The following TLE4 variants were observed in gnomAD, a reference collection of about 807,000 sequenced individuals.
TLE4 encodes the protein transducin-like enhancer protein 4.
Under a neutral mutation model 92.8 loss-of-function variants are expected in TLE4, and 8 were observed. That is an observed-to-expected ratio of 0.09 (90% CI 0.05 to 0.16). The LOEUF (loss-of-function observed/expected upper bound fraction) is 0.16. Among genes scored for constraint, TLE4 ranks in the 10% least tolerant of loss-of-function variants. The pLI, the probability that TLE4 is intolerant of heterozygous loss-of-function variation, is 1.00. For missense variants in TLE4, 675 were observed against 997.6 expected, an observed-to-expected ratio of 0.68 and a Z score of 4.36; for synonymous variants, 371 against 374.1, an observed-to-expected ratio of 0.99 and a Z score of 0.10.
chr9:79,605,538 T>G (rs2132778958), intron 4 of TLE4, among the ~76,000 whole-genome samples: 1 of 152,240 alleles, frequency 6.6e-6, no homozygotes, highest in South Asian at 2.1e-4. Context: ...AAGATATACC[T>G]CTAGAGAGCT....
intron 6 of TLE4, among the ~76,000 whole-genome samples, chr9:79,631,570 C>A (rs1009995045): frequency 6.8e-6 from 1 of 147,472 alleles, no homozygotes; most frequent in South Asian, 2.2e-4. Context: ...GCGGTCCCCC[C>A]CTTAGTATTT....
chr9:79,649,271 TACACACACACAC>T (rs61394180), intron 6 of TLE4, among the ~76,000 whole-genome samples: 3,150 of 147,358 alleles, frequency 0.021, 60 homozygotes, highest in Admixed American at 0.069. Context: ...CATACATACA[TACACACACACAC>T]ACACACACAC....
chr9:79,619,588 A>C (rs1291712448), intron 5 of TLE4, among the ~76,000 whole-genome samples: 2 of 152,174 alleles, frequency 1.3e-5, no homozygotes, highest in Admixed American at 1.3e-4. Context: ...GCATGGTTAA[A>C]ATTGCAGAGA....
chr9:79,699,838 T>C (rs1407637797), intron 8 of TLE4, among the ~76,000 whole-genome samples: 1 of 152,220 alleles, frequency 6.6e-6, no homozygotes, highest in African/African-American at 2.4e-5. Flanking sequence ...CTGTGCAGTA[T>C]TGAACCAAAA....
chr9:79,676,631 C>T (rs1463789133), intron 8 of TLE4, among the ~76,000 whole-genome samples: 1 of 151,964 alleles, frequency 6.6e-6, no homozygotes, highest in African/African-American at 2.4e-5. Flanking sequence ...GAGAGAAAAG[C>T]CAACCAGAAA....
chr9:79,693,751 T>C, intron 8 of TLE4: 1 of 436,344 alleles, frequency 2.3e-6, no homozygotes, highest in Non-Finnish European at 4.4e-6. Context: ...ATCATGTCCT[T>C]CGAACCATAT....
intron 8 of TLE4, chr9:79,663,334 A>T (rs1313998896): frequency 1.3e-5 from 2 of 152,210 alleles, no homozygotes; most frequent in African/African-American, 4.8e-5. Flanking sequence ...AGTCACATGA[A>T]GCTATTTAAA....
chr9:79,651,598 C>T (rs2059006397), intron 6 of TLE4, among the ~76,000 whole-genome samples: 1 of 152,196 alleles, frequency 6.6e-6, no homozygotes, highest in South Asian at 2.1e-4. Context: ...GCTTTTCATT[C>T]GAGCATCACT....
intron 14 of TLE4, among the ~76,000 whole-genome samples, chr9:79,714,995 C>G (rs558609546): frequency 2.6e-5 from 4 of 152,238 alleles, no homozygotes; most frequent in African/African-American, 9.6e-5. Flanking sequence ...TCTATGTATA[C>G]TAATAGCAAA....
chr9:79,655,603 T>C (rs2134290519), intron 8 of TLE4, among the ~76,000 whole-genome samples: 1 of 152,346 alleles, frequency 6.6e-6, no homozygotes, highest in East Asian at 1.9e-4. Context: ...TAATTATGCA[T>C]TTGCAGTTGT....
At chr9:79,629,123 T>C (rs2053517299) in intron 6 of TLE4, among the ~76,000 whole-genome samples, 1 of 152,164 alleles carries the variant, frequency 6.6e-6, no homozygotes, top group Admixed American at 6.5e-5. Flanking sequence ...GTTTACTGTT[T>C]GTATGAATGG....
At chr9:79,656,155 A>G (rs1206662859) in intron 8 of TLE4, among the ~76,000 whole-genome samples, 1 of 152,068 alleles carries the variant, frequency 6.6e-6, no homozygotes, top group Non-Finnish European at 1.5e-5. Flanking sequence ...ACAAGGTGAG[A>G]TAGTTTGCTT....
intron 6 of TLE4, among the ~76,000 whole-genome samples, chr9:79,636,296 A>T (rs1031863118): frequency 5.9e-5 from 9 of 152,168 alleles, no homozygotes; most frequent in African/African-American, 1.9e-4. Flanking sequence ...TTTCTAAAAA[A>T]TTTAAAAAAC....
chr9:79,599,796 C>CT (rs2045120063), intron 4 of TLE4, among the ~76,000 whole-genome samples: 1 of 152,186 alleles, frequency 6.6e-6, no homozygotes, highest in Non-Finnish European at 1.5e-5. Context: ...TGAGTCACTT[C>CT]TTTTTTTGTC....
intron 8 of TLE4, among the ~76,000 whole-genome samples, chr9:79,669,215 T>A (rs2061874727): frequency 6.6e-6 from 1 of 151,728 alleles, no homozygotes. Flanking sequence ...TCAGTGGAGG[T>A]GGTTAGGCTT....
intron 17 of TLE4, 127 bp downstream of exon 17, chr9:79,722,015 A>G (rs1436403424): frequency 2.9e-6 from 4 of 1,361,574 alleles, no homozygotes; most frequent in Non-Finnish European, 2.9e-6. Flanking sequence ...AAGTACAAAA[A>G]TTAGCTGGGC....
At chr9:79,644,694 A>G (rs139312896) in intron 6 of TLE4, among the ~76,000 whole-genome samples, 72 of 152,370 alleles carry the variant, frequency 4.7e-4, no homozygotes, top group Admixed American at 1.6e-3. Context: ...GCCAAGGAGT[A>G]TGGCTACCAG....
At chr9:79,723,587 TCTC>T (rs1387293647) in intron 19 of TLE4, among the ~76,000 whole-genome samples, 4 of 152,194 alleles carry the variant, frequency 2.6e-5, no homozygotes, top group Non-Finnish European at 5.9e-5. Flanking sequence ...ACACACACGC[TCTC>T]CTCCTCTCTC....
rs529229166 is a variant in TLE4 at position 79,644,246 on chromosome 9, A to G, written c.391-8347A>G. On this transcript the variant is annotated intron_variant, in intron 6 of 19. Transcript: ENST00000376552. ...GCTTCTGCTTCCTGCTGCCACGTGA[A>G]GAAGGGCATGTTTGCTTCCCCTTCC... is the stretch of plus-strand genomic sequence containing the variant. 2.2e-3 allele frequency among the ~76,000 whole-genome samples: 335 copies of G among 152,208 alleles called. 2 individuals carry two copies. Among genetic ancestry groups the G allele is most frequent in the African/African-American group, 7.7e-3 (319 of 41,530 alleles).
Sources: gnomAD v4.1 joint callset for allele counts (sites outside exome capture counted in the v4.1 genomes callset) on GRCh38, gnomAD v4.1.1 for gene constraint, MANE v1.5 for transcripts, NCBI Gene and HGNC (gene_info 2026-07-23, HGNC 2026-07-21) for gene names.